KLF9: variants seen among roughly 807,000 people sequenced by gnomAD.
KLF9 encodes the protein KLF transcription factor 9, also known as Krueppel-like factor 9.
KLF9 carries 2 observed loss-of-function variants against 17.3 expected under a neutral mutation model. That is an observed-to-expected ratio of 0.12 (90% CI 0.05 to 0.36). The LOEUF (loss-of-function observed/expected upper bound fraction) is 0.36, where lower values mean the gene tolerates loss of function less well. Ranked by LOEUF, KLF9 falls within the 10% of genes least tolerant of loss-of-function variation. The pLI is 1.00. For missense variants in KLF9, 226 were observed against 333.2 expected, an observed-to-expected ratio of 0.68 and a Z score of 2.51; for synonymous variants, 138 against 139.2, an observed-to-expected ratio of 0.99 and a Z score of 0.06.
At chr9:70,400,856 T>C (rs983552710) in intron 1 of KLF9, among the ~76,000 whole-genome samples, 1 of 152,198 alleles carries the variant, frequency 6.6e-6, no homozygotes, top group Non-Finnish European at 1.5e-5. Flanking sequence ...CTAAGTCACA[T>C]GGCTTGATGT....
intron 1 of KLF9, among the ~76,000 whole-genome samples, chr9:70,411,589 G>A (rs143818920): frequency 1.1e-4 from 16 of 152,226 alleles, no homozygotes; most frequent in East Asian, 7.7e-4. Context: ...AGTTTCCAAA[G>A]GAAATGGAAT....
At chr9:70,390,714 A>G (rs556253700) in intron 1 of KLF9, among the ~76,000 whole-genome samples, 1 of 152,234 alleles carries the variant, frequency 6.6e-6, no homozygotes, top group South Asian at 2.1e-4. Context: ...ATCTGCTCAG[A>G]TATTACTGGC....
rs2037097787 is a variant in KLF9 at position 70,384,758 on chromosome 9, C to G, written c.*3018G>C. The G allele has an allele frequency of 6.6e-6, 1 of 152,546 alleles. No individual in the cohort carries two copies. 9.4% of individuals were successfully genotyped at this position (152,546 alleles called of 1,614,324 possible). ...CTGTACAAAAATAAAACTGATTAAACAGTTGTAAAGATCAGTATCTTACAG... is the reference window on the plus strand; with the variant it reads ...CTGTACAAAAATAAAACTGATTAAAGAGTTGTAAAGATCAGTATCTTACAG... On this transcript the variant is annotated 3_prime_UTR_variant, in exon 2 of 2. Coordinates refer to ENST00000377126, the MANE Select transcript of KLF9 (RefSeq NM_001206.4).
chr9:70,409,000 GTA>G (rs199736064), intron 1 of KLF9, among the ~76,000 whole-genome samples: 11,384 of 87,914 alleles, frequency 0.13, 887 homozygotes, highest in Middle Eastern at 0.24. Context: ...ATATATATGT[GTA>G]TATATATATA....
Position 70,390,816 on chromosome 9 carries a change from A to T in KLF9, c.506-2811T>A, listed in dbSNP as rs186230167. Among the ~76,000 whole-genome samples the T allele has an allele frequency of 3.7e-4, 56 of 152,288 alleles. 1 individual carries two copies. Among genetic ancestry groups the T allele is most frequent in the African/African-American group, 1.3e-3 (54 of 41,554 alleles). ...AGTTATGGGGGAAATGTTTTTCTAA[A>T]CATGTTCTATGAAAAATATAACAAG... On this transcript the variant is annotated intron_variant, in intron 1 of 1. Transcript: ENST00000377126.
At chr9:70,408,304 C>T (rs1028501050) in intron 1 of KLF9, among the ~76,000 whole-genome samples, 27 of 151,946 alleles carry the variant, frequency 1.8e-4, no homozygotes, top group Non-Finnish European at 3.5e-4. Flanking sequence ...ATGGAGGGGA[C>T]AATTATGGAA....
At chr9:70,412,745 T>C (rs2037333830) in intron 1 of KLF9, 114 bp downstream of exon 1, 1 of 965,342 alleles carries the variant, frequency 1.0e-6, no homozygotes, top group Non-Finnish European at 1.6e-6. Context: ...CCGCATCTTA[T>C]CCAACATGTT....
Position 70,385,977 on chromosome 9 carries a change from T to A in KLF9, c.*1799A>T, listed in dbSNP as rs2037107917. Reference sequence around the variant, plus strand: ...ACTGTGCTAGTGATGGCTGTTGTATTGGAAGTTGGAGTCAGCCGTGACCCG... The same window carrying A: ...ACTGTGCTAGTGATGGCTGTTGTATAGGAAGTTGGAGTCAGCCGTGACCCG... On this transcript the variant is annotated 3_prime_UTR_variant, in exon 2 of 2. Transcript: ENST00000377126. The A allele has an allele frequency of 6.6e-6, 1 of 152,260 alleles. No homozygotes were observed. Among genetic ancestry groups the A allele is most frequent in the Admixed American group, 6.5e-5 (1 of 15,270 alleles). The allele number at this position is 152,260 out of a possible 1,614,324, so 9.4% of individuals were successfully genotyped here.
Position 70,385,777 on chromosome 9 carries a change from T to C in KLF9, c.*1999A>G, listed in dbSNP as rs2037106162. 1.3e-5 allele frequency: 2 copies of C among 152,618 alleles called. No homozygotes were observed. The highest frequency in any genetic ancestry group is 4.8e-5 in the African/African-American group (2 of 41,448). 9.5% of individuals were successfully genotyped at this position (152,618 alleles called of 1,614,324 possible). On this transcript the variant is annotated 3_prime_UTR_variant, in exon 2 of 2. Coordinates refer to ENST00000377126, the MANE Select transcript of KLF9 (RefSeq NM_001206.4). ...ACAGAAATTAAAATTTGGTTTAAAA[T>C]AAGTGTTTCAAAAATCTGAAACAGA...
intron 1 of KLF9, among the ~76,000 whole-genome samples, chr9:70,393,998 G>T (rs1261299966): frequency 1.3e-5 from 2 of 149,648 alleles, no homozygotes; most frequent in African/African-American, 2.5e-5. Context: ...TGCAGCCTGG[G>T]TGAGAGTGAG....
At chr9:70,401,278 A>G (rs2037219339) in intron 1 of KLF9, among the ~76,000 whole-genome samples, 1 of 152,036 alleles carries the variant, frequency 6.6e-6, no homozygotes. Context: ...GCCAAGGAGC[A>G]TGAGGATGCA....
chr9:70,410,063 G>A (rs1390022483), intron 1 of KLF9, among the ~76,000 whole-genome samples: 2 of 152,318 alleles, frequency 1.3e-5, no homozygotes, highest in East Asian at 1.9e-4. Flanking sequence ...TTAAGAAAGT[G>A]AGGCTTAAAC....
chr9:70,394,774 C>T (rs1218025908), intron 1 of KLF9, among the ~76,000 whole-genome samples: 1 of 152,136 alleles, frequency 6.6e-6, no homozygotes, highest in Non-Finnish European at 1.5e-5. Flanking sequence ...CATAACCAGT[C>T]AGAATAAGCC....
chr9:70,409,122 G>GTATATATGTATACA (rs1261684250), intron 1 of KLF9, among the ~76,000 whole-genome samples: 1 of 76,988 alleles, frequency 1.3e-5, no homozygotes, highest in African/African-American at 4.1e-5. Flanking sequence ...ATACATATAT[G>GTATATATGTATACA]TATATATGTA....
In KLF9 at chr9:70,409,408, T is replaced by G. The variant is rs2118928703; in HGVS notation, c.505+3451A>C. Among the ~76,000 whole-genome samples, 3 of 151,376 alleles carry G rather than the reference T, an allele frequency of 2.0e-5. No individual in the cohort carries two copies. The South Asian group carries it at 6.3e-4, about 32-fold the overall frequency. On this transcript the variant is annotated intron_variant, in intron 1 of 1. Transcript: ENST00000377126. ...TGGCACCTGGCACAGAAACAAGGCC[T>G]AAGGTTTCTGTCATCCAGATATCAA...
At chr9:70,388,087 C>T (rs1158144452) in intron 1 of KLF9, 82 bp from the exon 2 acceptor site, 1 of 1,071,344 alleles carries the variant, frequency 9.3e-7, no homozygotes, top group Non-Finnish European at 1.4e-6. Context: ...ATAGTCCCTA[C>T]GACTCAAAGG....
Position 70,412,880 on chromosome 9 carries a change from C to T in KLF9, c.484G>A (p.Ala162Thr). 1 of 1,603,936 alleles carries T rather than the reference C, an allele frequency of 6.2e-7. No homozygotes were observed. The highest frequency in any genetic ancestry group is 8.5e-7 in the Non-Finnish European group (1 of 1,174,878). Residue 162 changes from alanine to threonine, a missense_variant, in exon 1 of 2, where the codon GCC (alanine) becomes ACC (threonine). Physicochemically the swap from Ala to Thr is moderately conservative, Grantham distance 58. Coordinates refer to ENST00000377126, the MANE Select transcript of KLF9 (RefSeq NM_001206.4). ...TAACCTGTATGCACTCTGTAATGGG[C>T]TTTGAGATGGGAGGATTTTCCATAG... ...KVYGKSSHLK[A>T]HYRVHTGERP...
rs145695949 is a variant in KLF9, at chr9:70,393,985, C to T, written c.506-5980G>A. Among the ~76,000 whole-genome samples the T allele has an allele frequency of 7.7e-5, 11 of 142,684 alleles. No individual in the cohort carries two copies. The East Asian group carries it at 2.3e-3, about 30-fold the overall frequency. The allele number at this position is 142,684 out of a possible 152,430, so 93.6% of individuals were successfully genotyped here. On this transcript the variant is annotated intron_variant, in intron 1 of 1. Coordinates refer to ENST00000377126, the MANE Select transcript of KLF9 (RefSeq NM_001206.4). The stretch of plus-strand genomic sequence containing the variant: ...GCAGTGAGCTATGATTGTGCCACTG[C>T]ACTGCAGCCTGGGTGAGAGTGAGAC...
intron 1 of KLF9, among the ~76,000 whole-genome samples, chr9:70,406,121 G>A (rs1426035006): frequency 1.3e-5 from 2 of 152,108 alleles, no homozygotes; most frequent in African/African-American, 4.8e-5. Context: ...GAGAGCAAGT[G>A]GGGGGAAAGA....
Sources: gnomAD v4.1 joint callset for allele counts (sites outside exome capture counted in the v4.1 genomes callset) on GRCh38, gnomAD v4.1.1 for gene constraint, MANE v1.5 for transcripts, NCBI Gene and HGNC (gene_info 2026-07-23, HGNC 2026-07-21) for gene names.